The following SYNPR variants were observed in gnomAD, a reference collection of about 807,000 sequenced individuals.
SYNPR encodes synaptoporin.
SYNPR carries 23 observed loss-of-function variants against 32.9 expected under a neutral mutation model. The observed-to-expected ratio is 0.70, with a 90% confidence interval of 0.50 to 0.99. The LOEUF is 0.99. Among genes scored for constraint, SYNPR ranks in the 50% least tolerant of loss-of-function variants. SYNPR has a pLI of 0.00. For synonymous variants in SYNPR, 146 were observed against 135.9 expected, an observed-to-expected ratio of 1.07 and a Z score of -0.52; for missense variants, 318 against 349.3, an observed-to-expected ratio of 0.91 and a Z score of 0.71.
intron 2 of SYNPR, among the ~76,000 whole-genome samples, chr3:63,355,955 G>C (rs2087572759): frequency 1.3e-5 from 2 of 152,182 alleles, no homozygotes; most frequent in African/African-American, 4.8e-5. Flanking sequence ...AGAGTCTTTA[G>C]TGCAGATATG....
At chr3:63,275,551 T>G (rs1233598874), upstream of SYNPR, among the ~76,000 whole-genome samples, 1 of 152,164 alleles carries the variant, frequency 6.6e-6, no homozygotes, top group Non-Finnish European at 1.5e-5. Context: ...GGGAATAGGC[T>G]CAGTAATCAC....
intron 2 of SYNPR, among the ~76,000 whole-genome samples, chr3:63,390,221 A>C (rs1398607823): frequency 6.6e-6 from 1 of 152,172 alleles, no homozygotes; most frequent in African/African-American, 2.4e-5. Flanking sequence ...TTGAATTTTA[A>C]TCCAAAGATG....
Position 63,480,888 on chromosome 3 carries a change from G to A in SYNPR, c.141G>A (p.Leu47=). 6.2e-7 allele frequency: 1 copy of A among 1,613,698 alleles called. No individual in the cohort carries two copies. Among genetic ancestry groups the A allele is most frequent in the Non-Finnish European group, 8.5e-7 (1 of 1,179,662 alleles). The change falls in exon 3 of 6, where the codon CTG becomes CTA. Residue 47 remains leucine (L), a synonymous_variant. Transcript: ENST00000478300. ...TCGGYSGGLR[L]SVDCVNKTES... ...GTGGCTATTCTGGAGGCCTGCGGCTGAGTGTGGACTGCGTCAACAAGACAG... is the reference window on the plus strand; with the variant it reads ...GTGGCTATTCTGGAGGCCTGCGGCTAAGTGTGGACTGCGTCAACAAGACAG...
At chr3:63,567,887 T>C (rs543845007) in intron 4 of SYNPR, among the ~76,000 whole-genome samples, 2 of 152,326 alleles carry the variant, frequency 1.3e-5, no homozygotes, top group African/African-American at 4.8e-5. Context: ...TTCTCAAATA[T>C]CTAAGAAACA....
At chr3:63,522,284 C>T (rs1226309639) in intron 3 of SYNPR, among the ~76,000 whole-genome samples, 1 of 152,190 alleles carries the variant, frequency 6.6e-6, no homozygotes, top group East Asian at 1.9e-4. Flanking sequence ...CTCACTTTAT[C>T]CAAGGAATTT....
At chr3:63,493,151 C>A (rs1701287617) in intron 3 of SYNPR, among the ~76,000 whole-genome samples, 1 of 152,092 alleles carries the variant, frequency 6.6e-6, no homozygotes, top group Admixed American at 6.6e-5. Flanking sequence ...CTGGTGTCAA[C>A]TGAGTGGTGG....
rs1024880997 is a variant in SYNPR, at chr3:63,371,834, C to T, written c.84+93092C>T. Among the ~76,000 whole-genome samples the T allele has an allele frequency of 7.9e-5, 12 of 152,326 alleles. No homozygotes were observed. The South Asian group carries it at 8.3e-4, about 11-fold the overall frequency. ...ACTGAGGAGGAAATCACAGAGACAA[C>T]CCACAGCCCGTCTGCCACTGGAACT... On this transcript the variant is annotated intron_variant, in intron 2 of 5. Transcript: ENST00000478300.
At chr3:63,317,828 A>C (rs2087059288) in intron 2 of SYNPR, among the ~76,000 whole-genome samples, 1 of 151,718 alleles carries the variant, frequency 6.6e-6, no homozygotes, top group South Asian at 2.1e-4. Flanking sequence ...TGCTTTTAAC[A>C]CATATTTTTG....
At chr3:63,606,128 T>A (rs1700115154) in intron 4 of SYNPR, among the ~76,000 whole-genome samples, 1 of 152,134 alleles carries the variant, frequency 6.6e-6, no homozygotes, top group South Asian at 2.1e-4. Flanking sequence ...CCTCAAGTAG[T>A]CTAGCAAATG....
At chr3:63,254,366 T>C (rs1341228032) in intron 2 of SYNPR, among the ~76,000 whole-genome samples, 1 of 152,188 alleles carries the variant, frequency 6.6e-6, no homozygotes, top group Non-Finnish European at 1.5e-5. Flanking sequence ...ATCAGCACTT[T>C]TAAAACTGTA....
At chr3:63,346,283 A>G (rs1162703754) in intron 2 of SYNPR, among the ~76,000 whole-genome samples, 1 of 152,198 alleles carries the variant, frequency 6.6e-6, no homozygotes, top group East Asian at 1.9e-4. Context: ...ACAAATACAC[A>G]ATCATATACT....
chr3:63,434,465 AC>A (rs1243276978), intron 2 of SYNPR, among the ~76,000 whole-genome samples: 2 of 151,926 alleles, frequency 1.3e-5, no homozygotes, highest in South Asian at 2.1e-4. Flanking sequence ...TGGCTATGAC[AC>A]CCCCCCTTCA....
intron 3 of SYNPR, among the ~76,000 whole-genome samples, chr3:63,538,576 T>A (rs1224217426): frequency 1.3e-5 from 2 of 152,086 alleles, no homozygotes; most frequent in African/African-American, 2.4e-5. Context: ...TAATAGAAAG[T>A]GGGCAGAAGT....
At chr3:63,214,245 C>G in the SYNPR span, among the ~76,000 whole-genome samples, 1 of 22,826 alleles carries the variant, frequency 4.4e-5, no homozygotes, top group East Asian at 4.8e-4. Context: ...GGAGGATTCC[C>G]TCTTTTTCTA....
intron 2 of SYNPR, among the ~76,000 whole-genome samples, chr3:63,357,238 C>A (rs1050286437): frequency 1.3e-5 from 2 of 152,118 alleles, no homozygotes; most frequent in African/African-American, 2.4e-5. Context: ...CTCACACTAT[C>A]CCTGCTTGAG....
chr3:63,451,017 C>T (rs986878398), intron 2 of SYNPR, among the ~76,000 whole-genome samples: 2 of 152,016 alleles, frequency 1.3e-5, no homozygotes, highest in African/African-American at 4.8e-5. Flanking sequence ...CAAATCCCGG[C>T]TCTGCGATAT....
intron 3 of SYNPR, among the ~76,000 whole-genome samples, chr3:63,537,817 G>C (rs989227866): frequency 1.3e-5 from 2 of 152,024 alleles, no homozygotes; most frequent in South Asian, 4.1e-4. Context: ...GTCCTCAAGC[G>C]ACCCAGGGTA....
At chr3:63,612,970 C>G (rs900821517) in intron 5 of SYNPR, among the ~76,000 whole-genome samples, 3 of 141,050 alleles carry the variant, frequency 2.1e-5, no homozygotes, top group African/African-American at 7.8e-5. Context: ...CCTTTTGTTT[C>G]CTTTTTTCTT....
chr3:63,336,233 C>T (rs1296887540), intron 2 of SYNPR, among the ~76,000 whole-genome samples: 1 of 151,590 alleles, frequency 6.6e-6, no homozygotes, highest in East Asian at 1.9e-4. Flanking sequence ...CTAGAGGATA[C>T]AACTATGAAT....
Sources: allele counts gnomAD v4.1 joint callset (sites outside exome capture counted in the v4.1 genomes callset), GRCh38; gene constraint gnomAD v4.1.1; transcripts MANE v1.5; gene names NCBI Gene and HGNC (gene_info 2026-07-23, HGNC 2026-07-21).